Variants in PLCB1 observed in about 807,000 individuals in gnomAD.
The protein encoded by PLCB1 is 1-phosphatidylinositol 4,5-bisphosphate phosphodiesterase beta-1.
A neutral mutation model predicts 161.8 loss-of-function variants in PLCB1; 46 were observed. The ratio of observed to expected loss-of-function variants is 0.28; its 90% confidence interval spans 0.22 to 0.36. The LOEUF is 0.36. PLCB1 is among the 10% of genes least tolerant of loss of function. PLCB1 has a pLI of 1.00. For missense variants in PLCB1, 1,016 were observed against 1,472.5 expected (o/e 0.69, Z 5.07); for synonymous variants, 517 against 503.7 (o/e 1.03, Z -0.35).
chr20:8,554,082 GA>G (rs58969181), intron 3 of PLCB1, among the ~76,000 whole-genome samples: 1,735 of 140,020 alleles, frequency 0.012, 12 homozygotes, highest in African/African-American at 0.026. Flanking sequence ...TAAAATTAAG[GA>G]AAAAAAAAAA....
intron 2 of PLCB1, among the ~76,000 whole-genome samples, chr20:8,158,896 C>T (rs1054717211): frequency 1.3e-5 from 2 of 152,242 alleles, no homozygotes; most frequent in Admixed American, 1.3e-4. Context: ...AACTCCGCCC[C>T]TGTGGCTTTG....
chr20:8,269,191 C>T (rs566208122), intron 2 of PLCB1, among the ~76,000 whole-genome samples: 2 of 151,990 alleles, frequency 1.3e-5, no homozygotes, highest in South Asian at 2.1e-4. Context: ...CCCATCAACC[C>T]GTCATCTATA....
At chr20:8,195,397 G>A (rs1416015289) in intron 2 of PLCB1, among the ~76,000 whole-genome samples, 2 of 151,960 alleles carry the variant, frequency 1.3e-5, no homozygotes, top group South Asian at 4.1e-4. Flanking sequence ...TAGTGCCCTT[G>A]GAAAATAGGC....
intron 17 of PLCB1, 92 bp from the exon 18 acceptor site, chr20:8,728,958 C>A: frequency 1.2e-6 from 1 of 838,226 alleles, no homozygotes; most frequent in Non-Finnish European, 1.7e-6. Context: ...ACTTCATTTT[C>A]CAAATGGAGA....
chr20:8,328,252 G>GT (rs1293195146), intron 2 of PLCB1, among the ~76,000 whole-genome samples: 6 of 151,706 alleles, frequency 4.0e-5, no homozygotes, highest in African/African-American at 7.3e-5. Flanking sequence ...GACTAGGGGT[G>GT]TTTTTTTTAA....
At chr20:8,761,645 A>G (rs113057543) in intron 25 of PLCB1, among the ~76,000 whole-genome samples, 26 of 152,162 alleles carry the variant, frequency 1.7e-4, no homozygotes, top group African/African-American at 6.0e-4. Flanking sequence ...CAGCCTCCCA[A>G]ATAGCTAGGA....
At chr20:8,458,859 G>A (rs1981444591) in intron 3 of PLCB1, among the ~76,000 whole-genome samples, 1 of 152,152 alleles carries the variant, frequency 6.6e-6, no homozygotes, top group African/African-American at 2.4e-5. Flanking sequence ...ATGAAATAAT[G>A]TTTGTACAGA....
Position 8,642,463 on chromosome 20 carries a change from C to T in PLCB1, c.385-3639C>T, listed in dbSNP as rs779050172. ...CAGAAATGTGTTCAGCCAGGTGAGG[C>T]AACACTGACTGAATCACACAATGTT... is the stretch of plus-strand genomic sequence containing the variant. On this transcript the variant is annotated intron_variant, in intron 4 of 31. Transcript: ENST00000338037. Among the ~76,000 whole-genome samples, 149 of 152,276 alleles carry T rather than the reference C, an allele frequency of 9.8e-4. 1 individual carries two copies. The highest frequency in any genetic ancestry group is 6.8e-3 in the Middle Eastern group (2 of 294).
intron 11 of PLCB1, among the ~76,000 whole-genome samples, chr20:8,703,654 A>G (rs1197826235): frequency 6.6e-6 from 1 of 152,196 alleles, no homozygotes; most frequent in Non-Finnish European, 1.5e-5. Flanking sequence ...TCAGAAGTAC[A>G]CAATGTCAGA....
At chr20:8,171,192 C>T (rs1487999514) in intron 2 of PLCB1, among the ~76,000 whole-genome samples, 1 of 151,940 alleles carries the variant, frequency 6.6e-6, no homozygotes, top group African/African-American at 2.4e-5. Flanking sequence ...GAGTATGCTA[C>T]TTTCAACAAT....
chr20:8,499,177 A>T (rs1166499043), intron 3 of PLCB1, among the ~76,000 whole-genome samples: 1 of 152,218 alleles, frequency 6.6e-6, no homozygotes, highest in Non-Finnish European at 1.5e-5. Flanking sequence ...TTTGATGATG[A>T]CTTCTCAAGC....
chr20:8,435,297 C>CT (rs1296489670), intron 3 of PLCB1, among the ~76,000 whole-genome samples: 1 of 152,184 alleles, frequency 6.6e-6, no homozygotes, highest in African/African-American at 2.4e-5. Flanking sequence ...TGTCCATGCC[C>CT]TGCCCATTAA....
intron 3 of PLCB1, among the ~76,000 whole-genome samples, chr20:8,379,750 CT>C (rs1261937090): frequency 2.6e-5 from 4 of 152,100 alleles, no homozygotes; most frequent in African/African-American, 9.7e-5. Context: ...TAAATGTCTT[CT>C]TTTGGAAAGT....
intron 2 of PLCB1, among the ~76,000 whole-genome samples, chr20:8,170,258 G>A (rs958809367): frequency 6.6e-6 from 1 of 151,946 alleles, no homozygotes; most frequent in Non-Finnish European, 1.5e-5. Flanking sequence ...GAAAATAGCA[G>A]GTATTTCTTT....
Position 8,884,542 on chromosome 20 carries a change from C to CA in PLCB1, c.*2694dup, listed in dbSNP as rs941488480. 2 of 152,400 alleles carry CA rather than the reference C, an allele frequency of 1.3e-5. No homozygotes were observed. Among genetic ancestry groups the CA allele is most frequent in the African/African-American group, 4.8e-5 (2 of 41,382 alleles). The allele number at this position is 152,400 out of a possible 1,614,324, so 9.4% of individuals were successfully genotyped here. ...TTTCATTTTAAAATTTGAGTATCAC[C>CA]ATACATTAATTAATACTCCTGTAGT... On this transcript the variant is annotated 3_prime_UTR_variant, in exon 32 of 32. Transcript: ENST00000338037.
chr20:8,519,268 G>A (rs1172026788), intron 3 of PLCB1, among the ~76,000 whole-genome samples: 2 of 152,076 alleles, frequency 1.3e-5, no homozygotes, highest in East Asian at 3.9e-4. Flanking sequence ...CTACAGTGGT[G>A]AATACTATAG....
intron 1 of PLCB1, among the ~76,000 whole-genome samples, chr20:8,144,810 G>A (rs532999161): frequency 5.8e-4 from 88 of 152,268 alleles, no homozygotes; most frequent in Non-Finnish European, 1.1e-3. Flanking sequence ...GGCAATCCCT[G>A]TGGAACATCG....
chr20:8,829,472 G>A (rs555169049), intron 31 of PLCB1, among the ~76,000 whole-genome samples: 49 of 152,302 alleles, frequency 3.2e-4, no homozygotes, highest in South Asian at 2.5e-3. Context: ...TTCTGAGCCC[G>A]ATCTTTACAC....
chr20:8,498,524 T>C (rs1983272065), intron 3 of PLCB1, among the ~76,000 whole-genome samples: 1 of 152,088 alleles, frequency 6.6e-6, no homozygotes, highest in Non-Finnish European at 1.5e-5. Flanking sequence ...AGTGGCAAAA[T>C]AAAGTTGTCA....
Sources: gnomAD v4.1 joint callset for allele counts (sites outside exome capture counted in the v4.1 genomes callset) on GRCh38, gnomAD v4.1.1 for gene constraint, MANE v1.5 for transcripts, NCBI Gene and HGNC (gene_info 2026-07-23, HGNC 2026-07-21) for gene names.